EML5: variants seen among roughly 807,000 people sequenced by gnomAD.
EML5 encodes the protein EMAP like 5.
A neutral mutation model predicts 250.0 loss-of-function variants in EML5; 120 were observed. The observed-to-expected ratio is 0.48, with a 90% CI of 0.41 to 0.56. The LOEUF is 0.56. Ranked by LOEUF, EML5 falls within the 20% of genes least tolerant of loss-of-function variation. EML5 has a pLI of 0.00. For missense variants in EML5, 2,006 were observed against 2,437.6 expected (o/e 0.82, Z 3.73); for synonymous variants, 771 against 806.5 (o/e 0.96, Z 0.75).
At chr14:88,674,256 T>C (rs1437861022) in intron 21 of EML5, among the ~76,000 whole-genome samples, 2 of 151,952 alleles carry the variant, frequency 1.3e-5, no homozygotes, top group Non-Finnish European at 2.9e-5. Flanking sequence ...GCTAAAAGGG[T>C]GAGACTTCAT....
chr14:88,646,406 A>T (rs1177986868), intron 29 of EML5, among the ~76,000 whole-genome samples: 6 of 152,148 alleles, frequency 3.9e-5, no homozygotes, highest in Non-Finnish European at 7.4e-5. Context: ...TTGGATGCCC[A>T]CAAGTAAAAA....
chr14:88,726,196 CT>C (rs1194316069), intron 8 of EML5, among the ~76,000 whole-genome samples: 1 of 152,108 alleles, frequency 6.6e-6, no homozygotes, highest in Non-Finnish European at 1.5e-5. Context: ...ACAGCCTCAG[CT>C]TGTTAAACGG....
At chr14:88,714,245 G>A (rs1032730935) in intron 9 of EML5, among the ~76,000 whole-genome samples, 2 of 152,132 alleles carry the variant, frequency 1.3e-5, no homozygotes, top group Non-Finnish European at 2.9e-5. Context: ...TTTTGACTAA[G>A]ATACAGTGGT....
At chr14:88,712,163 T>G in intron 10 of EML5, 108 bp downstream of exon 10, 3 of 725,802 alleles carry the variant, frequency 4.1e-6, no homozygotes, top group Non-Finnish European at 6.8e-6. Flanking sequence ...CACCAATCAG[T>G]GTAATTTTAA....
At chr14:88,761,674 T>C (rs2094245894) in intron 1 of EML5, among the ~76,000 whole-genome samples, 1 of 152,232 alleles carries the variant, frequency 6.6e-6, no homozygotes, top group African/African-American at 2.4e-5. Context: ...CATGTGTCTT[T>C]ATAGTAGAAT....
Position 88,781,984 on chromosome 14 carries a change from T to C in EML5, c.197+10323A>G, listed in dbSNP as rs2094501810. 2.6e-5 allele frequency among the ~76,000 whole-genome samples: 4 copies of C among 152,178 alleles called. No individual in the cohort carries two copies. In the South Asian group the frequency reaches 6.2e-4, roughly 24 times the overall value. Reference sequence around the variant, plus strand: ...GGTAACAGGCAGAGGCTAGAACAGTTTGGAGGGCTCAGAAGAAGATAGGAA... The same window carrying C: ...GGTAACAGGCAGAGGCTAGAACAGTCTGGAGGGCTCAGAAGAAGATAGGAA... On this transcript the variant is annotated intron_variant, in intron 1 of 43. Transcript: ENST00000554922.
chr14:88,660,010 T>C (rs1003621375), intron 25 of EML5, among the ~76,000 whole-genome samples: 1 of 152,100 alleles, frequency 6.6e-6, no homozygotes, highest in African/African-American at 2.4e-5. Context: ...TAACAGTGAC[T>C]CGCGCCTGTA....
Position 88,720,175 on chromosome 14 carries a change from C to G in EML5, c.1188-4980G>C, listed in dbSNP as rs78834251. 1.1e-4 allele frequency among the ~76,000 whole-genome samples: 17 copies of G among 152,170 alleles called. No individual in the cohort carries two copies. The East Asian group carries it at 3.3e-3, about 29-fold the overall frequency. On this transcript the variant is annotated intron_variant, in intron 8 of 43. Coordinates refer to ENST00000554922, the MANE Select transcript of EML5 (RefSeq NM_183387.3). ...CCTACCAACCAAAAAAGGCTCATGACCAGATGAATTTATAGCTGAATTCTA... is the reference window on the plus strand; with the variant it reads ...CCTACCAACCAAAAAAGGCTCATGAGCAGATGAATTTATAGCTGAATTCTA...
chr14:88,757,843 TCTC>T (rs1240651337), intron 1 of EML5, among the ~76,000 whole-genome samples: 2 of 151,490 alleles, frequency 1.3e-5, no homozygotes, highest in South Asian at 2.1e-4. Flanking sequence ...TCTCTCTTTC[TCTC>T]CTTTCTTTCT....
Position 88,715,006 on chromosome 14 carries a change from C to T in EML5, c.1377G>A (p.Trp459Ter). Residue 459 changes from tryptophan to a stop codon, truncating the protein, a stop_gained, in exon 9 of 44, where the codon TGG (tryptophan) becomes TGA (stop). Coordinates refer to ENST00000554922, the MANE Select transcript of EML5 (RefSeq NM_183387.3). LOFTEE classifies it high-confidence loss of function. The part of the protein sequence containing the change: ...GSLSFITHLD[W>*]SSDSRYLQTN... ...TCTGCAAATATCTACTGTCTGAAGA[C>T]CAGTCCAGATGAGTGATGAAACTAA... The T allele has an allele frequency of 6.2e-7, 1 of 1,613,852 alleles. No individual in the cohort carries two copies. Among genetic ancestry groups the T allele is most frequent in the Non-Finnish European group, 8.5e-7 (1 of 1,179,814 alleles).
Position 88,616,354 on chromosome 14 carries a change from G to C in EML5, c.5797-112C>G. On this transcript the variant is annotated intron_variant, in intron 42 of 43. Transcript: ENST00000554922. ...GAGCTGTGGAGAGAGTAGGGAGTTA[G>C]CACCGCAGCCAGTGATTAGAATGCT... 2.9e-6 allele frequency: 3 copies of C among 1,028,618 alleles called. No individual in the cohort carries two copies. The South Asian group carries it at 4.2e-5, about 14-fold the overall frequency. The allele number at this position is 1,028,618 out of a possible 1,614,324, so 63.7% of individuals were successfully genotyped here.
chr14:88,746,557 T>A lies in EML5; in HGVS notation c.358-274A>T, dbSNP rs1008769477. Among the ~76,000 whole-genome samples the A allele has an allele frequency of 6.6e-5, 10 of 151,940 alleles. 1 individual carries two copies. The highest frequency in any genetic ancestry group is 1.2e-4 in the Non-Finnish European group (8 of 67,976). On this transcript the variant is annotated intron_variant, in intron 2 of 43. Coordinates refer to ENST00000554922, the MANE Select transcript of EML5 (RefSeq NM_183387.3). ...CCTAAATATACCTCCTACCAAAAAC[T>A]AAAAATACTAGATAAAATGTAAAAT...
At position 88,615,107 on chromosome 14, in the gene EML5, T is replaced by C. The variant is rs909233044; in HGVS notation, c.*711A>G. On this transcript the variant is annotated 3_prime_UTR_variant, in exon 44 of 44. Transcript: ENST00000554922. Reference sequence around the variant, plus strand: ...AGTGAGGCTACAGTTATGTTTTAAATGTGCGATTACAGAGATGGCATCTGA... The same window carrying C: ...AGTGAGGCTACAGTTATGTTTTAAACGTGCGATTACAGAGATGGCATCTGA... The C allele has an allele frequency of 1.3e-5, 2 of 152,202 alleles. No homozygotes were observed. Among genetic ancestry groups the C allele is most frequent in the Admixed American group, 6.5e-5 (1 of 15,280 alleles). 9.4% of individuals were successfully genotyped at this position (152,202 alleles called of 1,614,324 possible).
rs892419898 is a variant in EML5 at position 88,614,037 on chromosome 14, C to A, written c.*1781G>T. 4.6e-5 allele frequency: 7 copies of A among 152,182 alleles called. No homozygotes were observed. The highest frequency in any genetic ancestry group is 1.0e-4 in the Non-Finnish European group (7 of 68,020). The allele number at this position is 152,182 out of a possible 1,614,324, so 9.4% of individuals were successfully genotyped here. A position where few individuals can be genotyped will look rare whatever the true frequency, so the allele number is the denominator to read the frequency against. ...GAAATGCAGTGGAAACAGTTTTATT[C>A]TATGTAGTTTACATGCTTAAGGTTA... On this transcript the variant is annotated 3_prime_UTR_variant, in exon 44 of 44. Transcript: ENST00000554922.
chr14:88,652,304 G>T (rs2091666651), intron 27 of EML5, among the ~76,000 whole-genome samples: 1 of 152,084 alleles, frequency 6.6e-6, no homozygotes, highest in South Asian at 2.1e-4. Context: ...CCTGGAAAAG[G>T]AGCTGAGGAG....
intron 21 of EML5, among the ~76,000 whole-genome samples, chr14:88,679,116 G>A (rs976420194): frequency 6.7e-6 from 1 of 149,682 alleles, no homozygotes; most frequent in Non-Finnish European, 1.5e-5. Flanking sequence ...TCTTCACATG[G>A]CCTTCTTATA....
chr14:88,728,543 T>C (rs1435327554), intron 7 of EML5, among the ~76,000 whole-genome samples: 1 of 151,954 alleles, frequency 6.6e-6, no homozygotes, highest in Non-Finnish European at 1.5e-5. Context: ...GAAGAGAAAA[T>C]ATAATTGTTA....
chr14:88,749,258 G>C (rs1202608124), intron 2 of EML5, among the ~76,000 whole-genome samples: 1 of 152,194 alleles, frequency 6.6e-6, no homozygotes, highest in East Asian at 1.9e-4. Flanking sequence ...CCAAAGTGAT[G>C]TAAGTTAGAA....
rs571748803 is a variant in EML5, at chr14:88,706,500, T to G, written c.1658-74A>C. The stretch of plus-strand genomic sequence containing the variant: ...TACCATTTCAAACAATTTTTATATA[T>G]GAACCACTGTATCATCCTTCTATCT... On this transcript the variant is annotated intron_variant, in intron 10 of 43. Coordinates refer to ENST00000554922, the MANE Select transcript of EML5 (RefSeq NM_183387.3). 2.0e-5 allele frequency: 22 copies of G among 1,120,382 alleles called. No homozygotes were observed. In the African/African-American group the frequency reaches 2.6e-4, roughly 13 times the overall value. 69.4% of individuals were successfully genotyped at this position (1,120,382 alleles called of 1,614,324 possible). A position where few individuals can be genotyped will look rare whatever the true frequency, so the allele number is the denominator to read the frequency against.
Sources: allele counts gnomAD v4.1 joint callset (sites outside exome capture counted in the v4.1 genomes callset), GRCh38; gene constraint gnomAD v4.1.1; transcripts MANE v1.5; gene names NCBI Gene and HGNC (gene_info 2026-07-23, HGNC 2026-07-21).